PSEN2: variants seen among roughly 807,000 people sequenced by gnomAD.
PSEN2 encodes presenilin-2.
A neutral mutation model predicts 49.1 loss-of-function variants in PSEN2; 32 were observed. The ratio of observed to expected loss-of-function variants is 0.65; its 90% CI spans 0.49 to 0.88. The LOEUF (loss-of-function observed/expected upper bound fraction) is 0.88. PSEN2 is among the 40% of genes least tolerant of loss of function. The pLI is 0.00. For synonymous variants in PSEN2, 255 were observed against 244.0 expected, an observed-to-expected ratio of 1.05 and a Z score of -0.42; for missense variants, 522 against 586.9, an observed-to-expected ratio of 0.89 and a Z score of 1.14.
intron 3 of PSEN2, among the ~76,000 whole-genome samples, chr1:226,881,560 T>G (rs1182538770): frequency 2.6e-5 from 4 of 152,208 alleles, no homozygotes; most frequent in Non-Finnish European, 5.9e-5. Context: ...TGATCTTTGG[T>G]GCATAATAGA....
chr1:226,891,682 C>A, intron 10 of PSEN2, 61 bp from the exon 11 acceptor site: 1 of 1,421,418 alleles, frequency 7.0e-7, no homozygotes, highest in Non-Finnish European at 9.9e-7. Flanking sequence ...GCTGTTGTTT[C>A]TCTCTCTTGT....
At chr1:226,884,744 T>C (rs1194291309) in intron 5 of PSEN2, 1 of 151,920 alleles carries the variant, frequency 6.6e-6, no homozygotes, top group African/African-American at 2.4e-5. Context: ...CGAGACCCTG[T>C]CTGTACAAAA....
chr1:226,896,758 G>C (rs1489227010), downstream of PSEN2, among the ~76,000 whole-genome samples: 1 of 152,070 alleles, frequency 6.6e-6, no homozygotes, highest in Non-Finnish European at 1.5e-5. Context: ...CTACTCTGGA[G>C]GCTGAGGTGG....
chr1:226,890,149 G>A lies in PSEN2; in HGVS notation c.886+16G>A, dbSNP rs202005802. The A allele has an allele frequency of 3.1e-4, 497 of 1,599,852 alleles. 3 individuals are homozygous for A. Among genetic ancestry groups the A allele is most frequent in the South Asian group, 1.9e-3 (174 of 90,746 alleles). On this transcript the variant is annotated intron_variant, in intron 9 of 12. Transcript: ENST00000366783. ...ATATACTCATGTGAGTGAGCCCCCC[G>A]TGCCTCTGCCTGACTCGGGGTCAGC...
rs200161165 is a variant in PSEN2 at position 226,895,899 on chromosome 1, C to T, written c.*320C>T. 40 of 431,638 alleles carry T rather than the reference C, an allele frequency of 9.3e-5. No individual in the cohort carries two copies. The highest frequency in any genetic ancestry group is 1.4e-4 in the Non-Finnish European group (32 of 233,228). The allele number at this position is 431,638 out of a possible 1,614,324, so 26.7% of individuals were successfully genotyped here. ...GGCTGAGATGCGCAAAGAGTGTGCTCGGGAGTGGCCCCTGGCACCTGGGTG... is the reference window on the plus strand; with the variant it reads ...GGCTGAGATGCGCAAAGAGTGTGCTTGGGAGTGGCCCCTGGCACCTGGGTG... On this transcript the variant is annotated 3_prime_UTR_variant, in exon 13 of 13. Coordinates refer to ENST00000366783, the MANE Select transcript of PSEN2 (RefSeq NM_000447.3).
intron 3 of PSEN2, among the ~76,000 whole-genome samples, chr1:226,878,040 A>G (rs547009120): frequency 1.5e-4 from 23 of 152,188 alleles, no homozygotes; most frequent in Admixed American, 1.4e-3. Flanking sequence ...CTCTGCTCAC[A>G]GAACTGCTTT....
In PSEN2 at chr1:226,890,092, A is replaced by G. The variant is rs1318395368; in HGVS notation, c.845A>G (p.Gln282Arg). ...CTGAGAATGCTGGTAGAAACTGCCC[A>G]GGAGAGAAATGAGCCCATATTCCCT... ...GPLRMLVETAQERNEPIFPAL... is the reference protein window; with the variant it reads ...GPLRMLVETARERNEPIFPAL... The change falls in exon 9 of 13, where the codon CAG becomes CGG. Residue 282 changes from glutamine to arginine, a missense_variant. Transcript: ENST00000366783. 2 of 1,613,990 alleles carry G rather than the reference A, an allele frequency of 1.2e-6. No individual in the cohort carries two copies. The highest frequency in any genetic ancestry group is 1.7e-6 in the Non-Finnish European group (2 of 1,179,964).
At chr1:226,900,593 C>T (rs1571979515), downstream of PSEN2, among the ~76,000 whole-genome samples, 3 of 152,076 alleles carry the variant, frequency 2.0e-5, no homozygotes, top group South Asian at 2.1e-4. Context: ...TGTGAGGGAC[C>T]GTGGATTTTG....
At chr1:226,901,134 G>A (rs1181932060), downstream of PSEN2, among the ~76,000 whole-genome samples, 1 of 152,072 alleles carries the variant, frequency 6.6e-6, no homozygotes, top group Non-Finnish European at 1.5e-5. Flanking sequence ...TCCTGTCGAG[G>A]CCACTCAAAA....
intron 5 of PSEN2, among the ~76,000 whole-genome samples, chr1:226,885,253 T>C (rs1661279087): frequency 6.6e-6 from 1 of 151,692 alleles, no homozygotes; most frequent in Non-Finnish European, 1.5e-5. Context: ...CTTTAATCCC[T>C]GTGGGGGTGG....
chr1:226,885,733 A>G (rs1313956839), intron 6 of PSEN2, 54 bp downstream of exon 6: 4 of 1,596,814 alleles, frequency 2.5e-6, no homozygotes, highest in Non-Finnish European at 2.5e-6. Flanking sequence ...GCCCCACACC[A>G]TGGCGGCAGG....
downstream of PSEN2, among the ~76,000 whole-genome samples, chr1:226,900,891 C>G (rs975721046): frequency 2.0e-5 from 3 of 152,280 alleles, no homozygotes; most frequent in Non-Finnish European, 2.9e-5. Flanking sequence ...GCTAGGCTCG[C>G]ACTAAATGAG....
At chr1:226,889,726 A>G (rs1661612121) in intron 8 of PSEN2, among the ~76,000 whole-genome samples, 1 of 152,220 alleles carries the variant, frequency 6.6e-6, no homozygotes, top group South Asian at 2.1e-4. Context: ...TAGCATGATT[A>G]TCATTGCCAG....
In PSEN2 at chr1:226,885,623, G is replaced by A. The variant is rs63750812; in HGVS notation, c.442G>A (p.Val148Ile). The A allele has an allele frequency of 6.2e-6, 10 of 1,613,014 alleles. No homozygotes were observed. Among genetic ancestry groups the A allele is most frequent in the Admixed American group, 1.7e-5 (1 of 59,998 alleles). ...GCTGAACACCCTCATCATGATCAGC[G>A]TCATCGTGGTTATGACCATCTTCTT... Reference protein sequence around the residue: ...SVLNTLIMISVIVVMTIFLVV... With the variant: ...SVLNTLIMISIIVVMTIFLVV... The change falls in exon 6 of 13, where the codon GTC (valine) becomes ATC (isoleucine). Residue 148 changes from valine to isoleucine, a missense_variant. Transcript: ENST00000366783.
intron 11 of PSEN2, among the ~76,000 whole-genome samples, chr1:226,892,460 C>T (rs1661824994): frequency 6.6e-6 from 1 of 152,138 alleles, no homozygotes; most frequent in Admixed American, 6.5e-5. Context: ...ACGGTGCCTG[C>T]CTAACACCCA....
chr1:226,894,177 C>G (rs1661958805), intron 12 of PSEN2, 52 bp downstream of exon 12: 3 of 1,377,784 alleles, frequency 2.2e-6, no homozygotes, highest in African/African-American at 2.9e-5. Context: ...CCCCCAGGGT[C>G]CTCATTGTGG....
At position 226,885,476 on chromosome 1, in the gene PSEN2, A is replaced by G. The variant is rs1661294054; in HGVS notation, c.357-62A>G. On this transcript the variant is annotated intron_variant, in intron 5 of 12. Transcript: ENST00000366783. ...CCCCTAGCAGGTCCAGAATCACTCA[A>G]GGTGGGGAGCCTCGAGGAGCAGTCA... The G allele has an allele frequency of 3.1e-6, 5 of 1,589,858 alleles. No individual in the cohort carries two copies. The East Asian group carries it at 1.1e-4, about 36-fold the overall frequency.
chr1:226,886,129 A>G (rs182512234), intron 6 of PSEN2, among the ~76,000 whole-genome samples: 28 of 151,256 alleles, frequency 1.9e-4, no homozygotes, highest in African/African-American at 5.8e-4. Context: ...TGGCCTCCCA[A>G]AGTTCTGGGA....
downstream of PSEN2, chr1:226,897,578 C>T (rs1235429792): frequency 6.4e-6 from 1 of 155,060 alleles, no homozygotes; most frequent in Non-Finnish European, 1.5e-5. Context: ...GAACCCAGAA[C>T]ACAAATGGCA....
Sources: allele counts gnomAD v4.1 joint callset (sites outside exome capture counted in the v4.1 genomes callset), GRCh38; gene constraint gnomAD v4.1.1; transcripts MANE v1.5; gene names NCBI Gene and HGNC (gene_info 2026-07-23, HGNC 2026-07-21).